CTNNA2: variants seen among roughly 807,000 people sequenced by gnomAD.
CTNNA2 encodes the protein catenin alpha-2.
Under a neutral mutation model 101.0 loss-of-function variants are expected in CTNNA2, and 42 were observed. That is an observed-to-expected ratio of 0.42 (90% CI 0.32 to 0.54). The LOEUF is 0.54. CTNNA2 is among the 20% of genes least tolerant of loss of function. CTNNA2 has a pLI of 0.14. For synonymous variants in CTNNA2, 450 were observed against 456.4 expected (o/e 0.99, Z 0.18); for missense variants, 871 against 1,223.1 (o/e 0.71, Z 4.29).
intron 7 of CTNNA2, among the ~76,000 whole-genome samples, chr2:80,044,468 A>T (rs111466425): frequency 6.6e-6 from 1 of 152,180 alleles, no homozygotes; most frequent in African/African-American, 2.4e-5. Context: ...TCTAAAATAC[A>T]TGCCATTATG....
intron 2 of CTNNA2, among the ~76,000 whole-genome samples, chr2:79,697,046 A>T (rs1684695097): frequency 6.6e-6 from 1 of 151,990 alleles, no homozygotes; most frequent in Non-Finnish European, 1.5e-5. Context: ...CTAATCTGGG[A>T]CCAAAGATAA....
chr2:79,338,575 ATCATCT>A (rs1306974719), intron 3 of CTNNA2, among the ~76,000 whole-genome samples: 4,270 of 115,144 alleles, frequency 0.037, 78 homozygotes, highest in East Asian at 0.064. Context: ...CTTCCTCCTC[ATCATCT>A]TCTTCTTCTT....
At chr2:79,289,570 T>A (rs890277907) in intron 2 of CTNNA2, among the ~76,000 whole-genome samples, 1 of 151,706 alleles carries the variant, frequency 6.6e-6, no homozygotes, top group African/African-American at 2.4e-5. Flanking sequence ...ACATGCGAAA[T>A]CCTGTCTCTA....
intron 3 of CTNNA2, among the ~76,000 whole-genome samples, chr2:79,771,932 G>T (rs564729703): frequency 9.2e-5 from 14 of 152,026 alleles, no homozygotes; most frequent in African/African-American, 3.4e-4. Context: ...TAAAAATCCC[G>T]TGTTAAAGAT....
chr2:80,394,460 C>T (rs1201386895), intron 8 of CTNNA2, among the ~76,000 whole-genome samples: 2 of 152,256 alleles, frequency 1.3e-5, no homozygotes, highest in Non-Finnish European at 1.5e-5. Flanking sequence ...GGAAACATTC[C>T]CTTTTACTTT....
chr2:79,607,901 C>T (rs2104160038), intron 1 of CTNNA2, among the ~76,000 whole-genome samples: 1 of 149,640 alleles, frequency 6.7e-6, no homozygotes, highest in African/African-American at 2.5e-5. Flanking sequence ...AAAAGCAGGG[C>T]AAAAATAATC....
chr2:79,224,922 A>C (rs1366573748), intron 2 of CTNNA2, among the ~76,000 whole-genome samples: 2 of 151,828 alleles, frequency 1.3e-5, no homozygotes, highest in Non-Finnish European at 2.9e-5. Flanking sequence ...TAAGGTTTTC[A>C]AGACACATCC....
chr2:79,224,879 A>G (rs907055511), intron 2 of CTNNA2, among the ~76,000 whole-genome samples: 69 of 151,622 alleles, frequency 4.6e-4, no homozygotes, highest in African/African-American at 1.6e-3. Context: ...ATTAAGCTTT[A>G]TATATATATG....
At chr2:79,945,786 T>C (rs1410997573) in intron 7 of CTNNA2, among the ~76,000 whole-genome samples, 4 of 152,166 alleles carry the variant, frequency 2.6e-5, no homozygotes, top group African/African-American at 4.8e-5. Context: ...TAGTTCAGTA[T>C]CCATTATGTC....
At chr2:80,487,481 T>A (rs1038031787) in intron 9 of CTNNA2, among the ~76,000 whole-genome samples, 4 of 152,050 alleles carry the variant, frequency 2.6e-5, no homozygotes, top group African/African-American at 9.7e-5. Context: ...AGAAATGTCC[T>A]TCTTCACATG....
intron 2 of CTNNA2, among the ~76,000 whole-genome samples, chr2:79,209,402 C>T (rs1479603606): frequency 6.6e-6 from 1 of 152,198 alleles, no homozygotes; most frequent in Non-Finnish European, 1.5e-5. Context: ...TTTGTCTCCA[C>T]ATGCAATTTA....
intron 16 of CTNNA2, among the ~76,000 whole-genome samples, 194 bp downstream of exon 16, chr2:80,604,373 G>GA (rs1240719921): frequency 6.6e-6 from 1 of 151,998 alleles, no homozygotes; most frequent in Admixed American, 6.6e-5. Context: ...TAGCTCAGGA[G>GA]AGAATGCTAA....
At chr2:79,602,679 T>C (rs2104097076) in intron 1 of CTNNA2, among the ~76,000 whole-genome samples, 1 of 152,202 alleles carries the variant, frequency 6.6e-6, no homozygotes, top group African/African-American at 2.4e-5. Context: ...GGCCAACATA[T>C]AAAACACAAC....
chr2:80,453,176 A>T (rs1683664874), intron 9 of CTNNA2, among the ~76,000 whole-genome samples: 1 of 152,094 alleles, frequency 6.6e-6, no homozygotes, highest in Admixed American at 6.5e-5. Context: ...AACACTGGTG[A>T]AATCAAATCT....
chr2:80,088,036 A>G (rs2148815671), intron 7 of CTNNA2, among the ~76,000 whole-genome samples: 1 of 152,140 alleles, frequency 6.6e-6, no homozygotes, highest in Non-Finnish European at 1.5e-5. Flanking sequence ...ACCAGTTCTG[A>G]GACCCTTCTT....
chr2:79,321,550 T>A (rs570153538), intron 3 of CTNNA2, among the ~76,000 whole-genome samples: 10 of 152,318 alleles, frequency 6.6e-5, no homozygotes, highest in African/African-American at 2.2e-4. Context: ...TTGCTGAGTG[T>A]CTGATGAGTG....
At chr2:80,509,037 C>T (rs925511216) in intron 9 of CTNNA2, among the ~76,000 whole-genome samples, 1 of 152,174 alleles carries the variant, frequency 6.6e-6, no homozygotes, top group South Asian at 2.1e-4. Context: ...AACCAAGCAG[C>T]AATGTGTGGT....
chr2:80,442,021 G>A (rs554819490), intron 9 of CTNNA2, among the ~76,000 whole-genome samples: 2 of 152,340 alleles, frequency 1.3e-5, no homozygotes, highest in South Asian at 2.1e-4. Context: ...GCAGAGGACT[G>A]GCTCTAAGAG....
chr2:80,069,829 G>A (rs1665538479), intron 7 of CTNNA2, among the ~76,000 whole-genome samples: 1 of 152,152 alleles, frequency 6.6e-6, no homozygotes, highest in Non-Finnish European at 1.5e-5. Flanking sequence ...TATGCATTCT[G>A]TTCCCTTTGC....
Sources: gnomAD v4.1 joint callset for allele counts (sites outside exome capture counted in the v4.1 genomes callset) on GRCh38, gnomAD v4.1.1 for gene constraint, MANE v1.5 for transcripts, NCBI Gene and HGNC (gene_info 2026-07-23, HGNC 2026-07-21) for gene names.